SLIT3: variants seen among roughly 807,000 people sequenced by gnomAD.
SLIT3 encodes slit homolog 3 protein.
SLIT3 carries 68 observed loss-of-function variants against 184.0 expected under a neutral mutation model. The observed-to-expected ratio is 0.37, with a 90% confidence interval of 0.30 to 0.45. The LOEUF is 0.45. Among genes scored for constraint, SLIT3 ranks in the 20% least tolerant of loss-of-function variants. The pLI is 1.00. For missense variants in SLIT3, 1,707 were observed against 2,026.0 expected, an observed-to-expected ratio of 0.84 and a Z score of 3.02; for synonymous variants, 831 against 828.6, an observed-to-expected ratio of 1.00 and a Z score of -0.05.
chr5:169,022,196 G>A (rs567316209), intron 4 of SLIT3: 1 of 152,360 alleles, frequency 6.6e-6, no homozygotes, highest in South Asian at 2.1e-4. Context: ...GACAGCCTTC[G>A]AGAGTCTCCC....
chr5:168,774,189 C>T, intron 13 of SLIT3, 46 bp downstream of exon 13: 1 of 1,556,758 alleles, frequency 6.4e-7, no homozygotes, highest in Non-Finnish European at 8.7e-7. Context: ...CATTTGGGGT[C>T]TCCTGCTGCT....
intron 1 of SLIT3, among the ~76,000 whole-genome samples, chr5:169,260,958 G>A (rs1433109566): frequency 6.6e-6 from 1 of 152,226 alleles, no homozygotes; most frequent in Non-Finnish European, 1.5e-5. Context: ...GGTTCTGCCA[G>A]TCATGTTTTC....
At chr5:169,103,072 C>T (rs1472001059) in intron 4 of SLIT3, among the ~76,000 whole-genome samples, 1 of 152,196 alleles carries the variant, frequency 6.6e-6, no homozygotes, top group Admixed American at 6.5e-5. Flanking sequence ...CCACGCCCTA[C>T]TCATGGTATT....
At chr5:168,838,222 G>T (rs988524177) in intron 6 of SLIT3, among the ~76,000 whole-genome samples, 1 of 152,126 alleles carries the variant, frequency 6.6e-6, no homozygotes, top group Non-Finnish European at 1.5e-5. Flanking sequence ...ATCTGAGTTC[G>T]GAAAGAGTAG....
chr5:168,795,240 C>T (rs1379538072), intron 10 of SLIT3, among the ~76,000 whole-genome samples: 1 of 152,178 alleles, frequency 6.6e-6, no homozygotes, highest in Non-Finnish European at 1.5e-5. Flanking sequence ...CAGGCTAATT[C>T]GTCTCTACCT....
In SLIT3 at chr5:169,187,111, G is replaced by GTTTTTT. The variant is rs761501769; in HGVS notation, c.413+6362_413+6367dup. On this transcript the variant is annotated intron_variant, in intron 4 of 35. Transcript: ENST00000519560. ...AGTACAACTGCTTATGCAGCTATAGGTTTTTTTTTTTTTTTTTTTTTGAGA... is the reference window on the plus strand; with the variant it reads ...AGTACAACTGCTTATGCAGCTATAGGTTTTTTTTTTTTTTTTTTTTTTTTTTTGAGA... 1.8e-3 allele frequency among the ~76,000 whole-genome samples: 170 copies of GTTTTTT among 94,414 alleles called. 26 individuals carry two copies. The highest frequency in any genetic ancestry group is 6.0e-3 in the East Asian group (19 of 3,172). The allele number at this position is 94,414 out of a possible 152,430, so 61.9% of individuals were successfully genotyped here.
At chr5:168,798,223 C>CTTTTTTTTTTTTTTTTTTTTTT (rs747746239) in intron 9 of SLIT3, among the ~76,000 whole-genome samples, 5 of 109,028 alleles carry the variant, frequency 4.6e-5, no homozygotes, top group African/African-American at 2.3e-4. Flanking sequence ...TCTTCTTCTT[C>CTTTTTTTTTTTTTTTTTTTTTT]TTTTTTTTTT....
At chr5:168,920,121 CCTT>C (rs1245630441) in intron 4 of SLIT3, among the ~76,000 whole-genome samples, 5 of 152,104 alleles carry the variant, frequency 3.3e-5, no homozygotes, top group African/African-American at 9.7e-5. Flanking sequence ...GCAACAATGA[CCTT>C]CTTTTTGGGA....
intron 4 of SLIT3, among the ~76,000 whole-genome samples, chr5:169,069,984 G>T (rs577958716): frequency 6.6e-6 from 1 of 152,296 alleles, no homozygotes; most frequent in South Asian, 2.1e-4. Context: ...TGCAGAGGAT[G>T]GTGGGATGCA....
intron 6 of SLIT3, among the ~76,000 whole-genome samples, chr5:168,834,138 T>C (rs1010821290): frequency 4.6e-5 from 7 of 152,188 alleles, no homozygotes; most frequent in Admixed American, 6.5e-5. Context: ...GTGGGGTTAA[T>C]GGGCTTGGTT....
At chr5:169,121,811 C>T (rs1312527060) in intron 4 of SLIT3, among the ~76,000 whole-genome samples, 1 of 152,200 alleles carries the variant, frequency 6.6e-6, no homozygotes, top group Non-Finnish European at 1.5e-5. Context: ...AGGGCCCTGG[C>T]CATGACCCAG....
intron 4 of SLIT3, among the ~76,000 whole-genome samples, chr5:169,025,691 A>G (rs1242536285): frequency 6.6e-6 from 1 of 152,172 alleles, no homozygotes; most frequent in Non-Finnish European, 1.5e-5. Context: ...TCCTAGAGTC[A>G]TGGTATGCAA....
intron 4 of SLIT3, among the ~76,000 whole-genome samples, chr5:168,886,424 T>G (rs1760215133): frequency 6.6e-6 from 1 of 152,146 alleles, no homozygotes; most frequent in African/African-American, 2.4e-5. Flanking sequence ...CATGGAGCTA[T>G]CATTAAGTAC....
chr5:168,734,190 C>T (rs979616860), intron 20 of SLIT3, among the ~76,000 whole-genome samples: 1 of 152,206 alleles, frequency 6.6e-6, no homozygotes, highest in Non-Finnish European at 1.5e-5. Flanking sequence ...TTTAAAAAGT[C>T]AACTGACTGT....
chr5:168,974,298 A>G (rs1581259835), intron 4 of SLIT3, among the ~76,000 whole-genome samples: 1 of 152,182 alleles, frequency 6.6e-6, no homozygotes, highest in African/African-American at 2.4e-5. Context: ...ATGAAACTCA[A>G]CTATATTGCT....
At chr5:168,746,306 G>GTA (rs1763800991) in intron 20 of SLIT3, among the ~76,000 whole-genome samples, 3 of 149,710 alleles carry the variant, frequency 2.0e-5, no homozygotes, top group African/African-American at 7.4e-5. Context: ...GGGTGTGGTG[G>GTA]TGTGGGTGTG....
chr5:169,067,147 T>C (rs896267896), intron 4 of SLIT3, among the ~76,000 whole-genome samples: 4 of 152,276 alleles, frequency 2.6e-5, no homozygotes, highest in Non-Finnish European at 2.9e-5. Context: ...CAGTGGCTCA[T>C]GTTTGTAATC....
At chr5:169,085,724 A>G (rs1759267394) in intron 4 of SLIT3, among the ~76,000 whole-genome samples, 2 of 152,370 alleles carry the variant, frequency 1.3e-5, no homozygotes, top group South Asian at 4.1e-4. Flanking sequence ...AGCCAGAGAC[A>G]TGCAATGCCT....
rs549747155 is a variant in SLIT3, at chr5:168,754,028, A to G, written c.1686-21T>C. 19 of 1,547,266 alleles carry G rather than the reference A, an allele frequency of 1.2e-5. No individual in the cohort carries two copies. In the South Asian group the frequency reaches 2.1e-4, roughly 17 times the overall value. ...GATTTCTAGAAGGAAGAAACAGAAT[A>G]GGGGAGAATCAAAAGGAGCAGATGG... On this transcript the variant is annotated intron_variant, in intron 16 of 35. Transcript: ENST00000519560.
Sources: allele counts gnomAD v4.1 joint callset (sites outside exome capture counted in the v4.1 genomes callset), GRCh38; gene constraint gnomAD v4.1.1; transcripts MANE v1.5; gene names NCBI Gene and HGNC (gene_info 2026-07-23, HGNC 2026-07-21).